Variants in PRSS38 observed in about 807,000 individuals in gnomAD.
PRSS38 encodes the protein marapsin 2.
PRSS38 carries 22 observed loss-of-function variants against 26.8 expected under a neutral mutation model. The observed-to-expected ratio is 0.82, with a 90% confidence interval of 0.59 to 1.17. The LOEUF is 1.17. PRSS38 is among the 50% of genes most tolerant of loss of function. The pLI, the probability that PRSS38 is intolerant of heterozygous loss-of-function variation, is 0.00. For missense variants in PRSS38, 427 were observed against 422.7 expected (o/e 1.01, Z -0.09); for synonymous variants, 175 against 172.1 (o/e 1.02, Z -0.13).
intron 4 of PRSS38, 51 bp from the exon 5 acceptor site, chr1:227,845,903 G>A: frequency 6.2e-7 from 1 of 1,600,408 alleles, no homozygotes; most frequent in Non-Finnish European, 8.5e-7. Flanking sequence ...GGTGCAGGAG[G>A]CGGCAGGCCT....
At chr1:227,841,194 G>T (rs887737042) in intron 3 of PRSS38, among the ~76,000 whole-genome samples, 26 of 152,254 alleles carry the variant, frequency 1.7e-4, no homozygotes, top group African/African-American at 6.0e-4. Flanking sequence ...CTGCTGGCTG[G>T]CCTGGGATAG....
At chr1:227,822,143 C>A (rs10916221) in intron 3 of PRSS38, among the ~76,000 whole-genome samples, 118,010 of 151,378 alleles carry the variant, frequency 0.78, 46,098 homozygotes, top group East Asian at 0.88. Context: ...TTTTCATTTC[C>A]ATTATTTGCC....
intron 3 of PRSS38, among the ~76,000 whole-genome samples, chr1:227,825,856 A>C (rs1665066705): frequency 6.6e-6 from 1 of 152,130 alleles, no homozygotes; most frequent in African/African-American, 2.4e-5. Context: ...TGTCTTGGCT[A>C]TTCAGGCTTT....
intron 3 of PRSS38, among the ~76,000 whole-genome samples, chr1:227,825,693 G>T (rs1183379808): frequency 6.6e-6 from 1 of 152,130 alleles, no homozygotes; most frequent in Non-Finnish European, 1.5e-5. Flanking sequence ...GATTGTAGGT[G>T]TGCAGTCTTA....
chr1:227,846,188 G>A (rs1469177589), exon 5 of PRSS38: 1 of 1,611,258 alleles, frequency 6.2e-7, no homozygotes, highest in Non-Finnish European at 8.5e-7. Context: ...GGCCATGCTG[G>A]CTGGCTGGTC....
At chr1:227,817,180 G>A (rs1664932511) in intron 2 of PRSS38, 29 bp from the exon 3 acceptor site, 4 of 1,598,660 alleles carry the variant, frequency 2.5e-6, no homozygotes, top group Admixed American at 1.7e-5. Flanking sequence ...GAAGCTGCGG[G>A]CATTGTACCT....
At chr1:227,835,748 G>A (rs1250947944) in intron 3 of PRSS38, among the ~76,000 whole-genome samples, 1 of 152,188 alleles carries the variant, frequency 6.6e-6, no homozygotes, top group African/African-American at 2.4e-5. Flanking sequence ...GAAATATCTG[G>A]AACAGGCAAA....
At chr1:227,826,451 C>T (rs1340103238) in intron 3 of PRSS38, among the ~76,000 whole-genome samples, 4 of 152,180 alleles carry the variant, frequency 2.6e-5, no homozygotes, top group East Asian at 1.9e-4. Flanking sequence ...CGGTGGCTAA[C>T]GCCTGTAATC....
chr1:227,845,904 C>T (rs377179815), intron 4 of PRSS38, 50 bp from the exon 5 acceptor site: 58 of 1,600,028 alleles, frequency 3.6e-5, no homozygotes, highest in African/African-American at 1.2e-4. Context: ...GTGCAGGAGG[C>T]GGCAGGCCTG....
intron 3 of PRSS38, among the ~76,000 whole-genome samples, chr1:227,821,769 C>G (rs1665006345): frequency 6.6e-6 from 1 of 151,982 alleles, no homozygotes; most frequent in African/African-American, 2.4e-5. Flanking sequence ...AGATTCATTG[C>G]CTTTAGTTTT....
intron 3 of PRSS38, among the ~76,000 whole-genome samples, chr1:227,836,111 T>G (rs1665235062): frequency 6.6e-6 from 1 of 151,850 alleles, no homozygotes; most frequent in Admixed American, 6.6e-5. Flanking sequence ...TACTTTTTTT[T>G]TTTTCGAGAC....
chr1:227,844,206 A>G (rs1376982708), intron 3 of PRSS38, among the ~76,000 whole-genome samples: 1 of 152,186 alleles, frequency 6.6e-6, no homozygotes, highest in Non-Finnish European at 1.5e-5. Context: ...GCTTAAGGTT[A>G]GTGTTCCTTC....
chr1:227,826,588 C>T (rs1665077655), intron 3 of PRSS38, among the ~76,000 whole-genome samples: 1 of 152,110 alleles, frequency 6.6e-6, no homozygotes, highest in African/African-American at 2.4e-5. Flanking sequence ...TGGTGGCATA[C>T]ATCTGTAGTC....
intron 3 of PRSS38, among the ~76,000 whole-genome samples, chr1:227,842,083 A>G (rs1665345836): frequency 6.6e-6 from 1 of 152,158 alleles, no homozygotes; most frequent in South Asian, 2.1e-4. Context: ...GCACTGATCT[A>G]TTCATGAGGG....
chr1:227,846,340 C>T lies in PRSS38; in HGVS notation c.*132C>T, dbSNP rs1665431192. The T allele has an allele frequency of 5.8e-6, 7 of 1,199,168 alleles. No individual in the cohort carries two copies. In the Admixed American group the frequency reaches 1.6e-4, roughly 27 times the overall value. 74.3% of individuals were successfully genotyped at this position (1,199,168 alleles called of 1,614,324 possible). A position where few individuals can be genotyped will look rare whatever the true frequency, so the allele number is the denominator to read the frequency against. ...GGGCCACCTATCCCGGGGGTGGATG[C>T]TGAGTCCAGGAGGTGATGAGCAAGT... On this transcript the variant is annotated 3_prime_UTR_variant, in exon 5 of 5. Coordinates refer to ENST00000366757, the Ensembl canonical transcript of PRSS38.
intron 3 of PRSS38, among the ~76,000 whole-genome samples, chr1:227,832,063 C>T (rs1050807234): frequency 2.2e-4 from 33 of 152,126 alleles, no homozygotes; most frequent in African/African-American, 7.2e-4. Flanking sequence ...TTCTTTGTCC[C>T]TAGTTACATT....
intron 3 of PRSS38, among the ~76,000 whole-genome samples, chr1:227,842,521 C>T (rs571912484): frequency 8.5e-5 from 13 of 152,062 alleles, no homozygotes; most frequent in African/African-American, 2.7e-4. Context: ...TTGACAATAA[C>T]GTATCTGCTT....
chr1:227,823,937 T>C (rs1665035591), intron 3 of PRSS38, among the ~76,000 whole-genome samples: 1 of 152,232 alleles, frequency 6.6e-6, no homozygotes, highest in Non-Finnish European at 1.5e-5. Context: ...GTATTTTTTG[T>C]ACAGTGACTT....
intron 3 of PRSS38, among the ~76,000 whole-genome samples, chr1:227,837,952 T>C (rs796603220): frequency 8.5e-5 from 13 of 152,252 alleles, no homozygotes; most frequent in African/African-American, 3.1e-4. Flanking sequence ...GATGGGGTCT[T>C]GCTCTATTTC....
Sources: allele counts gnomAD v4.1 joint callset (sites outside exome capture counted in the v4.1 genomes callset), GRCh38; gene constraint gnomAD v4.1.1; transcripts MANE v1.5; gene names NCBI Gene and HGNC (gene_info 2026-07-23, HGNC 2026-07-21).